Variants in EPB41L5 observed in about 807,000 individuals in gnomAD.
EPB41L5 encodes band 4.1-like protein 5.
In EPB41L5, 55 loss-of-function variants were observed where a neutral mutation model predicts 106.6. The ratio of observed to expected loss-of-function variants is 0.52; its 90% CI spans 0.42 to 0.65. The LOEUF is 0.65. Among genes scored for constraint, EPB41L5 ranks in the 30% least tolerant of loss-of-function variants. The pLI, the probability that EPB41L5 is intolerant of heterozygous loss-of-function variation, is 0.00. For synonymous variants in EPB41L5, 297 were observed against 306.7 expected, an observed-to-expected ratio of 0.97 and a Z score of 0.33; for missense variants, 871 against 882.1, an observed-to-expected ratio of 0.99 and a Z score of 0.16.
chr2:120,158,389 C>T (rs1171343411), intron 20 of EPB41L5, among the ~76,000 whole-genome samples: 3 of 152,126 alleles, frequency 2.0e-5, no homozygotes, highest in Non-Finnish European at 4.4e-5. Context: ...CATCAGTCCA[C>T]CACAATCAAA....
At chr2:120,016,365 G>A (rs1677527801) in intron 1 of EPB41L5, among the ~76,000 whole-genome samples, 1 of 151,994 alleles carries the variant, frequency 6.6e-6, no homozygotes, top group South Asian at 2.1e-4. Context: ...GGCAGGTGGA[G>A]GTTGCAGTGA....
intron 24 of EPB41L5, 56 bp downstream of exon 24, chr2:120,168,063 T>A (rs1687495927): frequency 5.7e-6 from 9 of 1,577,428 alleles, no homozygotes; most frequent in African/African-American, 1.4e-5. Context: ...AAGAAAAAAA[T>A]AATAAAACTT....
At chr2:120,058,774 A>G (rs1680832182) in intron 3 of EPB41L5, among the ~76,000 whole-genome samples, 1 of 152,226 alleles carries the variant, frequency 6.6e-6, no homozygotes, top group Admixed American at 6.5e-5. Context: ...GTTGTTAAAC[A>G]TATTTTTAAA....
chr2:120,050,060 T>C, intron 3 of EPB41L5, among the ~76,000 whole-genome samples: 1 of 152,056 alleles, frequency 6.6e-6, no homozygotes, highest in African/African-American at 2.4e-5. Context: ...CTTCCCTTTG[T>C]GGGTAACCTG....
At chr2:120,045,492 CTG>C (rs1679704619) in intron 3 of EPB41L5, among the ~76,000 whole-genome samples, 1 of 151,960 alleles carries the variant, frequency 6.6e-6, no homozygotes, top group African/African-American at 2.4e-5. Flanking sequence ...TGTATGTGTC[CTG>C]TAAGCAAGCA....
intron 15 of EPB41L5, among the ~76,000 whole-genome samples, 192 bp downstream of exon 15, chr2:120,100,478 G>T (rs1684070041): frequency 6.6e-6 from 1 of 152,038 alleles, no homozygotes; most frequent in Non-Finnish European, 1.5e-5. Context: ...AAAGGAAACC[G>T]GTGCTCTATA....
chr2:120,108,756 A>G (rs1195469674), intron 16 of EPB41L5, among the ~76,000 whole-genome samples: 1 of 152,218 alleles, frequency 6.6e-6, no homozygotes, highest in East Asian at 1.9e-4. Context: ...TATAAACTGT[A>G]GAAGTTTGGA....
chr2:120,080,565 C>T (rs888460634), intron 10 of EPB41L5, among the ~76,000 whole-genome samples: 1 of 152,146 alleles, frequency 6.6e-6, no homozygotes, highest in African/African-American at 2.4e-5. Context: ...CCGCAGTAAA[C>T]ATACGTGTGC....
At position 120,018,738 on chromosome 2, in the gene EPB41L5, C is replaced by G. The variant is rs114376800; in HGVS notation, c.-8-339C>G. Reference sequence around the variant, plus strand: ...CCCAGCTCACTGCCGCTTTGACTGCCTGGGGTCAAGTGATCCTTCTGCCTC... The same window carrying G: ...CCCAGCTCACTGCCGCTTTGACTGCGTGGGGTCAAGTGATCCTTCTGCCTC... On this transcript the variant is annotated intron_variant, in intron 1 of 24. Transcript: ENST00000263713. Among the ~76,000 whole-genome samples the G allele has an allele frequency of 5.3e-3, 812 of 152,178 alleles. 3 individuals carry two copies. The highest frequency in any genetic ancestry group is 0.017 in the African/African-American group (715 of 41,526).
chr2:120,140,615 G>A (rs1686132212), intron 18 of EPB41L5, among the ~76,000 whole-genome samples: 1 of 152,002 alleles, frequency 6.6e-6, no homozygotes, highest in African/African-American at 2.4e-5. Context: ...GAGCACTGAT[G>A]TGATGCACAA....
intron 16 of EPB41L5, among the ~76,000 whole-genome samples, chr2:120,123,903 C>T (rs1685343233): frequency 1.3e-5 from 2 of 152,040 alleles, no homozygotes; most frequent in Admixed American, 1.3e-4. Context: ...AGCAATCCTC[C>T]CACCTCGGCC....
Position 120,042,005 on chromosome 2 carries a change from G to GA in EPB41L5, c.186dup (p.Ala63SerfsTer8). On this transcript the variant is annotated frameshift_variant and splice_region_variant. Coordinates refer to ENST00000263713, the MANE Select transcript of EPB41L5 (RefSeq NM_020909.4). LOFTEE classifies it high-confidence loss of function. ...ATTTACTTATTATCTTGCCATTTCA[G>GA]AAAAAAGCCAAAGGACAAGAGTTGT... 1 of 1,607,720 alleles carries GA rather than the reference G, an allele frequency of 6.2e-7. No individual in the cohort carries two copies. The highest frequency in any genetic ancestry group is 8.5e-7 in the Non-Finnish European group (1 of 1,176,528).
chr2:120,072,758 C>T (rs1196075699), intron 3 of EPB41L5, among the ~76,000 whole-genome samples: 10 of 152,072 alleles, frequency 6.6e-5, no homozygotes, highest in African/African-American at 2.4e-4. Context: ...GGGAGGGGAA[C>T]ATCACATACT....
intron 10 of EPB41L5, among the ~76,000 whole-genome samples, chr2:120,082,858 A>T (rs1474966627): frequency 1.3e-5 from 2 of 152,132 alleles, no homozygotes; most frequent in African/African-American, 4.8e-5. Flanking sequence ...CCAGGAATTT[A>T]TCCGTCTATT....
At chr2:120,073,322 T>C (rs1462993153) in intron 4 of EPB41L5, 102 bp downstream of exon 4, 11 of 1,042,692 alleles carry the variant, frequency 1.1e-5, no homozygotes, top group African/African-American at 1.6e-5. Flanking sequence ...AGATGAGTTT[T>C]TTAGCATTTC....
In EPB41L5 at chr2:120,087,673, G is replaced by A. The variant is rs1683148951; in HGVS notation, c.873+433G>A. Among the ~76,000 whole-genome samples the A allele has an allele frequency of 4.6e-5, 7 of 152,230 alleles. No individual in the cohort carries two copies. In the South Asian group the frequency reaches 1.5e-3, roughly 32 times the overall value. ...TGGCTGATTTTTTCATTTATTTGTA[G>A]AGATGGGATCTCAGTATGTTGCCAA... On this transcript the variant is annotated intron_variant, in intron 11 of 24. Coordinates refer to ENST00000263713, the MANE Select transcript of EPB41L5 (RefSeq NM_020909.4).
chr2:120,038,966 A>G (rs1431381799), intron 2 of EPB41L5, among the ~76,000 whole-genome samples: 2 of 152,224 alleles, frequency 1.3e-5, no homozygotes, highest in Non-Finnish European at 2.9e-5. Flanking sequence ...TGGTATTTAT[A>G]TGCAATGGAA....
intron 3 of EPB41L5, among the ~76,000 whole-genome samples, chr2:120,044,994 A>T (rs567761451): frequency 6.6e-6 from 1 of 152,236 alleles, no homozygotes; most frequent in Non-Finnish European, 1.5e-5. Flanking sequence ...GAGTCTCATG[A>T]CATAAACAAT....
intron 17 of EPB41L5, among the ~76,000 whole-genome samples, chr2:120,129,367 T>TA (rs1385658981): frequency 1.5e-5 from 2 of 136,736 alleles, no homozygotes; most frequent in South Asian, 2.3e-4. Context: ...AAGAAAAAAT[T>TA]AAAAAAAGAA....
Sources: gnomAD v4.1 joint callset for allele counts (sites outside exome capture counted in the v4.1 genomes callset) on GRCh38, gnomAD v4.1.1 for gene constraint, MANE v1.5 for transcripts, NCBI Gene and HGNC (gene_info 2026-07-23, HGNC 2026-07-21) for gene names.